PTPRT: variants seen among roughly 807,000 people sequenced by gnomAD.
The protein encoded by PTPRT is protein tyrosine phosphatase receptor type T.
PTPRT carries 56 observed loss-of-function variants against 176.8 expected under a neutral mutation model. That is an observed-to-expected ratio of 0.32 (90% confidence interval 0.26 to 0.40). PTPRT has a LOEUF of 0.40. Among genes scored for constraint, PTPRT ranks in the 10% least tolerant of loss-of-function variants. PTPRT has a pLI of 1.00. For missense variants in PTPRT, 1,540 were observed against 1,908.2 expected (o/e 0.81, Z 3.60); for synonymous variants, 783 against 739.0 (o/e 1.06, Z -0.96).
intron 1 of PTPRT, among the ~76,000 whole-genome samples, chr20:43,089,394 C>T (rs2011732820): frequency 6.6e-6 from 1 of 152,190 alleles, no homozygotes; most frequent in African/African-American, 2.4e-5. Context: ...AACAATGAGG[C>T]ATTGCTAATA....
chr20:42,353,099 C>T (rs1051349647), intron 9 of PTPRT, among the ~76,000 whole-genome samples: 5 of 152,184 alleles, frequency 3.3e-5, no homozygotes, highest in Non-Finnish European at 7.3e-5. Flanking sequence ...ACCCCTTCAG[C>T]GCTTCTTCAT....
chr20:42,480,851 C>A (rs1023820392), intron 7 of PTPRT, among the ~76,000 whole-genome samples: 2 of 152,094 alleles, frequency 1.3e-5, no homozygotes, highest in Admixed American at 6.6e-5. Flanking sequence ...AAGCCTTAGG[C>A]CAAATTCTAC....
At chr20:42,443,428 A>G (rs979639325) in intron 9 of PTPRT, among the ~76,000 whole-genome samples, 1 of 152,230 alleles carries the variant, frequency 6.6e-6, no homozygotes. Context: ...TGCTGCCTCT[A>G]TCTGTGCATG....
chr20:42,226,145 T>C (rs2056005018), intron 15 of PTPRT, among the ~76,000 whole-genome samples: 1 of 152,254 alleles, frequency 6.6e-6, no homozygotes. Flanking sequence ...TTCAAGTTCC[T>C]TTTAAGCTGC....
intron 7 of PTPRT, among the ~76,000 whole-genome samples, chr20:42,493,222 T>C (rs1164396958): frequency 6.6e-6 from 1 of 152,192 alleles, no homozygotes; most frequent in African/African-American, 2.4e-5. Context: ...TAGAAGCAAA[T>C]TAACCATGGC....
chr20:42,776,233 T>C (rs1011140848), intron 4 of PTPRT, among the ~76,000 whole-genome samples: 3 of 152,056 alleles, frequency 2.0e-5, no homozygotes, highest in Admixed American at 1.3e-4. Context: ...AGTTTCTTCA[T>C]TGTCCTGCTC....
At chr20:43,048,831 G>C (rs2425568) in intron 1 of PTPRT, among the ~76,000 whole-genome samples, 30,956 of 151,984 alleles carry the variant, frequency 0.2, 3,343 homozygotes, top group Admixed American at 0.33. Context: ...TTGGGCCTGT[G>C]GGGGGAGAGA....
chr20:42,357,608 G>A (rs2058375204), intron 9 of PTPRT, among the ~76,000 whole-genome samples: 1 of 152,192 alleles, frequency 6.6e-6, no homozygotes, highest in Admixed American at 6.5e-5. Context: ...GAATGTCCAT[G>A]AGTGGCTTTG....
At chr20:42,086,726 CAAAAAAAA>C (rs367948746) in intron 27 of PTPRT, among the ~76,000 whole-genome samples, 9,161 of 82,172 alleles carry the variant, frequency 0.11, 1,291 homozygotes, top group Middle Eastern at 0.18. Context: ...GACTCCATCT[CAAAAAAAA>C]AAAAAAAAAA....
At chr20:42,553,654 C>T (rs1034464202) in intron 7 of PTPRT, among the ~76,000 whole-genome samples, 44 of 152,116 alleles carry the variant, frequency 2.9e-4, no homozygotes, top group African/African-American at 1.0e-3. Context: ...TTCTCTCCCA[C>T]ACCGTGACTT....
At chr20:42,155,701 A>C (rs780106957) in intron 17 of PTPRT, among the ~76,000 whole-genome samples, 10 of 152,330 alleles carry the variant, frequency 6.6e-5, no homozygotes, top group Non-Finnish European at 1.5e-4. Flanking sequence ...TCAAGTTTTC[A>C]TGCCAACGAG....
chr20:43,051,363 C>CA (rs1987034480), intron 1 of PTPRT, among the ~76,000 whole-genome samples: 1 of 152,190 alleles, frequency 6.6e-6, no homozygotes, highest in African/African-American at 2.4e-5. Flanking sequence ...GCATTCTGTG[C>CA]ATTTCAATCA....
At chr20:42,984,216 A>G (rs935033724) in intron 1 of PTPRT, among the ~76,000 whole-genome samples, 4 of 152,248 alleles carry the variant, frequency 2.6e-5, no homozygotes, top group Non-Finnish European at 5.9e-5. Context: ...GCTCACAGAC[A>G]CATACATACA....
Position 42,555,468 on chromosome 20 carries a change from C to T in PTPRT, c.1154-82906G>A, listed in dbSNP as rs144566020. Among the ~76,000 whole-genome samples the T allele has an allele frequency of 1.8e-3, 276 of 152,228 alleles. 1 individual carries two copies. The highest frequency in any genetic ancestry group is 6.0e-3 in the African/African-American group (250 of 41,544). ...CGAGAGAAAAATAAAGCAGCAATCA[C>T]GGCAGGCAGTTTAGGTGTTGCTAGC... On this transcript the variant is annotated intron_variant, in intron 7 of 30. Transcript: ENST00000373187.
At chr20:43,069,807 A>G (rs1322913292) in intron 1 of PTPRT, among the ~76,000 whole-genome samples, 1 of 152,158 alleles carries the variant, frequency 6.6e-6, no homozygotes. Flanking sequence ...TTAGTCATGT[A>G]TGACAGCTTG....
intron 1 of PTPRT, among the ~76,000 whole-genome samples, chr20:43,104,978 G>A (rs375342181): frequency 4.8e-4 from 73 of 152,146 alleles, no homozygotes; most frequent in African/African-American, 1.4e-3. Context: ...GGTCAATCTG[G>A]GGTACAAAAT....
chr20:42,052,019 T>C, the PTPRT span, among the ~76,000 whole-genome samples: 1 of 152,116 alleles, frequency 6.6e-6, no homozygotes, highest in African/African-American at 2.4e-5. Flanking sequence ...TTTGTGTGGG[T>C]TTCAAATCAT....
intron 1 of PTPRT, among the ~76,000 whole-genome samples, chr20:42,906,030 A>C (rs916611045): frequency 2.6e-5 from 4 of 152,218 alleles, no homozygotes; most frequent in Admixed American, 2.6e-4. Flanking sequence ...TCGAACCTGC[A>C]CGTTGTGCAC....
At chr20:42,698,078 T>A (rs138704304) in intron 6 of PTPRT, among the ~76,000 whole-genome samples, 1 of 152,194 alleles carries the variant, frequency 6.6e-6, no homozygotes, top group East Asian at 1.9e-4. Context: ...CTCTTCAAAT[T>A]GCCCCATGAA....
Sources: allele counts gnomAD v4.1 joint callset (sites outside exome capture counted in the v4.1 genomes callset), GRCh38; gene constraint gnomAD v4.1.1; transcripts MANE v1.5; gene names NCBI Gene and HGNC (gene_info 2026-07-23, HGNC 2026-07-21).